TMEM163: variants seen among roughly 807,000 people sequenced by gnomAD.
TMEM163 encodes transmembrane protein 163.
In TMEM163, 17 loss-of-function variants were observed where a neutral mutation model predicts 29.3. That is an observed-to-expected ratio of 0.58 (90% confidence interval 0.40 to 0.87). The LOEUF (loss-of-function observed/expected upper bound fraction) is 0.87, where lower values mean the gene tolerates loss of function less well. TMEM163 is among the 40% of genes least tolerant of loss of function. The pLI is 0.00. For missense variants in TMEM163, 303 were observed against 381.5 expected (o/e 0.79, Z 1.71); for synonymous variants, 157 against 160.6 (o/e 0.98, Z 0.17).
At position 134,651,203 on chromosome 2, in the gene TMEM163, CTGT is replaced by C. The variant is rs1340182839; in HGVS notation, c.322+61994_322+61996del. ...TATTTCTCCACATCCTCTCCAGCAC[CTGT>C]TGTTTCCTGACTTTTTAATGATTGC... On this transcript the variant is annotated intron_variant, in intron 2 of 7. Transcript: ENST00000281924. 7.3e-4 allele frequency among the ~76,000 whole-genome samples: 61 copies of C among 83,092 alleles called. 1 individual carries two copies. The highest frequency in any genetic ancestry group is 4.3e-3 in the African/African-American group (59 of 13,668). 54.5% of individuals were successfully genotyped at this position (83,092 alleles called of 152,430 possible).
intron 2 of TMEM163, among the ~76,000 whole-genome samples, chr2:134,663,579 C>T (rs1448552429): frequency 1.3e-5 from 2 of 152,224 alleles, no homozygotes; most frequent in Non-Finnish European, 2.9e-5. Flanking sequence ...CAGTGTCCTG[C>T]TCCAGCCACA....
At chr2:134,490,168 G>A (rs1358545698) in intron 5 of TMEM163, among the ~76,000 whole-genome samples, 1 of 152,152 alleles carries the variant, frequency 6.6e-6, no homozygotes, top group Non-Finnish European at 1.5e-5. Flanking sequence ...TACATGAGGT[G>A]TCATCGGAGC....
chr2:134,693,100 T>C (rs1684505789), intron 2 of TMEM163, among the ~76,000 whole-genome samples: 1 of 152,082 alleles, frequency 6.6e-6, no homozygotes, highest in South Asian at 2.1e-4. Context: ...GCCTCCACAG[T>C]GCCACAGAAC....
intron 2 of TMEM163, among the ~76,000 whole-genome samples, chr2:134,557,069 C>T (rs1681063712): frequency 6.6e-6 from 1 of 152,130 alleles, no homozygotes; most frequent in Non-Finnish European, 1.5e-5. Context: ...GTAAACCATG[C>T]TGTTACCTGG....
chr2:134,603,690 A>T (rs1682285802), intron 2 of TMEM163, among the ~76,000 whole-genome samples: 1 of 152,190 alleles, frequency 6.6e-6, no homozygotes, highest in African/African-American at 2.4e-5. Flanking sequence ...CCTGCCTGGC[A>T]GGGTGAAGGC....
At position 134,718,791 on chromosome 2, in the gene TMEM163, C is replaced by A; in HGVS notation, c.145G>T (p.Glu49Ter). The change falls in exon 1 of 8, where the codon GAG becomes TAG. Residue 49 changes from glutamate (E) to a stop codon, truncating the protein, a stop_gained. Coordinates refer to ENST00000281924, the MANE Select transcript of TMEM163 (RefSeq NM_030923.5). LOFTEE classifies it high-confidence loss of function. ...PVREPPQLEE[E>*]RQVRISESGQ... Reference sequence around the variant, plus strand: ...CTCTCGCTGATCCGCACCTGCCGCTCCTCCTCCAGCTGGGGCGGCTCGCGC... The same window carrying A: ...CTCTCGCTGATCCGCACCTGCCGCTACTCCTCCAGCTGGGGCGGCTCGCGC... 8.7e-7 allele frequency: 1 copy of A among 1,148,862 alleles called. No individual in the cohort carries two copies. The highest frequency in any genetic ancestry group is 4.3e-5 in the East Asian group (1 of 23,408). The allele number at this position is 1,148,862 out of a possible 1,614,324, so 71.2% of individuals were successfully genotyped here.
At chr2:134,523,858 A>G (rs1354824137) in intron 4 of TMEM163, among the ~76,000 whole-genome samples, 1 of 152,206 alleles carries the variant, frequency 6.6e-6, no homozygotes, top group Non-Finnish European at 1.5e-5. Flanking sequence ...TCCCTCCCAC[A>G]GGGGATACTT....
At chr2:134,651,455 G>C (rs1463110331) in intron 2 of TMEM163, among the ~76,000 whole-genome samples, 1 of 111,274 alleles carries the variant, frequency 9.0e-6, no homozygotes, top group Non-Finnish European at 1.7e-5. Context: ...CCCTTTGTCA[G>C]ATGAGTAGGT....
At chr2:134,648,304 C>CCTCTTCCCTTCTCTTCTCTTCTCTT (rs1553488988) in intron 2 of TMEM163, among the ~76,000 whole-genome samples, 1 of 143,110 alleles carries the variant, frequency 7.0e-6, no homozygotes, top group South Asian at 2.3e-4. Flanking sequence ...CACTGCTTCT[C>CCTCTTCCCTTCTCTTCTCTTCTCTT]CTCTTCTCTT....
At chr2:134,671,137 G>C (rs1683987249) in intron 2 of TMEM163, among the ~76,000 whole-genome samples, 1 of 152,180 alleles carries the variant, frequency 6.6e-6, no homozygotes, top group African/African-American at 2.4e-5. Flanking sequence ...CCAGCAGTGA[G>C]CTGGCCCTCA....
chr2:134,624,499 A>C (rs1162135164), intron 2 of TMEM163, among the ~76,000 whole-genome samples: 1 of 152,202 alleles, frequency 6.6e-6, no homozygotes, highest in South Asian at 2.1e-4. Flanking sequence ...ATAACTAATG[A>C]GTACTAGGCT....
In TMEM163 at chr2:134,456,769, TGAG is replaced by T. The variant is rs1408194660; in HGVS notation, c.814_816del (p.Leu272del). The T allele has an allele frequency of 1.9e-6, 3 of 1,613,556 alleles. No individual in the cohort carries two copies. The highest frequency in any genetic ancestry group is 2.5e-6 in the Non-Finnish European group (3 of 1,179,898). ...TGCCTCACCCTCGGCACCATGTCGA[TGAG>T]GAGTCTGCAAAGACGAAGACAGACA... On this transcript the variant is annotated inframe_deletion, in exon 8 of 8. Coordinates refer to ENST00000281924, the MANE Select transcript of TMEM163 (RefSeq NM_030923.5).
chr2:134,701,056 G>A (rs930234284), intron 2 of TMEM163, among the ~76,000 whole-genome samples: 1 of 151,822 alleles, frequency 6.6e-6, no homozygotes, highest in Non-Finnish European at 1.5e-5. Flanking sequence ...GGTCCACATG[G>A]TCTAACCAGC....
chr2:134,679,188 G>A (rs56090955), intron 2 of TMEM163, among the ~76,000 whole-genome samples: 2 of 152,218 alleles, frequency 1.3e-5, no homozygotes, highest in Non-Finnish European at 2.9e-5. Flanking sequence ...GAGGTAAGGG[G>A]CTTGGGCAGT....
At chr2:134,632,563 C>T (rs1018438563) in intron 2 of TMEM163, among the ~76,000 whole-genome samples, 1 of 152,188 alleles carries the variant, frequency 6.6e-6, no homozygotes, top group African/African-American at 2.4e-5. Context: ...GATCAAAGTA[C>T]AGCAGATGTG....
chr2:134,666,611 G>A (rs533132997), intron 2 of TMEM163, among the ~76,000 whole-genome samples: 1 of 152,286 alleles, frequency 6.6e-6, no homozygotes, highest in South Asian at 2.1e-4. Context: ...ACTGAGTAGG[G>A]GAAGCAACCT....
At chr2:134,663,741 C>G (rs1190886271) in intron 2 of TMEM163, among the ~76,000 whole-genome samples, 1 of 152,240 alleles carries the variant, frequency 6.6e-6, no homozygotes, top group East Asian at 1.9e-4. Context: ...CAGGTGAGGA[C>G]AGGGAGATGC....
intron 4 of TMEM163, among the ~76,000 whole-genome samples, chr2:134,530,804 G>A (rs626501): frequency 0.18 from 27,675 of 152,188 alleles, 2,688 homozygotes; most frequent in Admixed American, 0.24. Context: ...TTTCTGGAAA[G>A]TAGCTAATGT....
intron 2 of TMEM163, among the ~76,000 whole-genome samples, chr2:134,635,610 C>T (rs1683087069): frequency 6.6e-6 from 1 of 152,074 alleles, no homozygotes; most frequent in Non-Finnish European, 1.5e-5. Flanking sequence ...CCCGTCTTAC[C>T]AGAATGTCAT....
Sources: allele counts gnomAD v4.1 joint callset (sites outside exome capture counted in the v4.1 genomes callset), GRCh38; gene constraint gnomAD v4.1.1; transcripts MANE v1.5; gene names NCBI Gene and HGNC (gene_info 2026-07-23, HGNC 2026-07-21).